Variants in ROS1 observed in about 807,000 individuals in gnomAD.
ROS1 encodes proto-oncogene tyrosine-protein kinase ROS.
A neutral mutation model predicts 273.5 loss-of-function variants in ROS1; 263 were observed. The ratio of observed to expected loss-of-function variants is 0.96; its 90% CI spans 0.87 to 1.06. The LOEUF is 1.06. Among genes scored for constraint, ROS1 ranks in the 50% least tolerant of loss-of-function variants. The probability of loss-of-function intolerance (pLI) is 0.00; values close to 1 mark genes in which losing one functional copy is unlikely to be tolerated. For synonymous variants in ROS1, 1,008 were observed against 954.1 expected, an observed-to-expected ratio of 1.06 and a Z score of -1.04; for missense variants, 2,833 against 2,751.1, an observed-to-expected ratio of 1.03 and a Z score of -0.67.
At chr6:117,369,104 T>C (rs545396825) in intron 18 of ROS1, among the ~76,000 whole-genome samples, 2 of 152,166 alleles carry the variant, frequency 1.3e-5, no homozygotes, top group Non-Finnish European at 2.9e-5. Context: ...GAAAATACTT[T>C]CTCCTTATAA....
At chr6:117,304,864 C>T (rs1480062754) in intron 42 of ROS1, among the ~76,000 whole-genome samples, 2 of 152,020 alleles carry the variant, frequency 1.3e-5, no homozygotes, top group Non-Finnish European at 2.9e-5. Context: ...GATAAGAGTT[C>T]TTATGAGATC....
rs368741601 is a variant in ROS1, at chr6:117,394,606, T to A, written c.1006+10A>T. ...CACACTAAGGAATCATTTATCCTTA[T>A]CATACTGACCTGTAATATTATGGTA... On this transcript the variant is annotated intron_variant, in intron 10 of 43. Transcript: ENST00000368507. The A allele has an allele frequency of 6.3e-7, 1 of 1,577,568 alleles. No individual in the cohort carries two copies. Among genetic ancestry groups the A allele is most frequent in the South Asian group, 1.2e-5 (1 of 82,956 alleles).
chr6:117,343,919 G>T, intron 28 of ROS1, 141 bp downstream of exon 28: 1 of 657,466 alleles, frequency 1.5e-6, no homozygotes. Flanking sequence ...AACACAATAT[G>T]TTTTGATGAA....
Position 117,344,048 on chromosome 6 carries a change from T to G in ROS1, c.4506+12A>C. 6.3e-7 allele frequency: 1 copy of G among 1,596,846 alleles called. No homozygotes were observed. Among genetic ancestry groups the G allele is most frequent in the Non-Finnish European group, 8.6e-7 (1 of 1,164,476 alleles). On this transcript the variant is annotated intron_variant, in intron 28 of 43. Coordinates refer to ENST00000368507, the MANE Select transcript of ROS1 (RefSeq NM_001378902.1). ...CTTGTGAAAAGACAAAGACCACTAG[T>G]TCCAATCTTACCAGAATTCTATATT...
intron 18 of ROS1, among the ~76,000 whole-genome samples, chr6:117,371,883 C>A (rs938256202): frequency 1.3e-5 from 2 of 152,166 alleles, no homozygotes; most frequent in African/African-American, 4.8e-5. Context: ...GAGAACTACA[C>A]CCCCATCCCC....
intron 17 of ROS1, among the ~76,000 whole-genome samples, chr6:117,381,685 C>A (rs551885470): frequency 1.6e-4 from 25 of 152,106 alleles, no homozygotes; most frequent in Middle Eastern, 6.8e-3. Flanking sequence ...TTTGCAATTG[C>A]AAATTGTGCT....
intron 27 of ROS1, among the ~76,000 whole-genome samples, chr6:117,344,925 C>T (rs1052644148): frequency 6.6e-6 from 1 of 152,156 alleles, no homozygotes; most frequent in Non-Finnish European, 1.5e-5. Context: ...GCTTAAGCCT[C>T]GAAAAATCGC....
chr6:117,378,451 G>A (rs1472633098), intron 18 of ROS1, among the ~76,000 whole-genome samples: 1 of 152,152 alleles, frequency 6.6e-6, no homozygotes, highest in African/African-American at 2.4e-5. Flanking sequence ...TGATTGGCAA[G>A]GGGCACAGGA....
At chr6:117,304,583 T>C (rs140761570) in intron 42 of ROS1, among the ~76,000 whole-genome samples, 1 of 152,184 alleles carries the variant, frequency 6.6e-6, no homozygotes. Context: ...TTTTAAATTG[T>C]ATGCCATTCT....
rs534575218 is a variant in ROS1, at chr6:117,315,725, T to G, written c.6117+1418A>C. Reference sequence around the variant, plus strand: ...AACAAACAAAAAGTCATGAGATACATGGAAAAAGTCCCACATGGACAAGAA... The same window carrying G: ...AACAAACAAAAAGTCATGAGATACAGGGAAAAAGTCCCACATGGACAAGAA... On this transcript the variant is annotated intron_variant, in intron 39 of 43. Transcript: ENST00000368507. 2.6e-5 allele frequency among the ~76,000 whole-genome samples: 4 copies of G among 152,128 alleles called. No individual in the cohort carries two copies. In the South Asian group the frequency reaches 8.3e-4, roughly 32 times the overall value.
chr6:117,305,099 C>A (rs574594189), intron 42 of ROS1, among the ~76,000 whole-genome samples: 61 of 152,210 alleles, frequency 4.0e-4, no homozygotes, highest in Non-Finnish European at 7.1e-4. Context: ...AATTACCCAG[C>A]TTCTTTATAA....
intron 1 of ROS1, among the ~76,000 whole-genome samples, chr6:117,424,772 C>T (rs1173755511): frequency 6.6e-6 from 1 of 152,034 alleles, no homozygotes; most frequent in Non-Finnish European, 1.5e-5. Flanking sequence ...ATAATGAATA[C>T]TATATTTAGT....
chr6:117,344,348 G>T (rs1377535700), intron 27 of ROS1, 86 bp from the exon 28 acceptor site: 4 of 901,562 alleles, frequency 4.4e-6, no homozygotes, highest in South Asian at 1.9e-5. Context: ...TAATATCAAA[G>T]CTTAGAAAGA....
Position 117,341,157 on chromosome 6 carries a change from C to T in ROS1, c.5039G>A (p.Arg1680Lys), listed in dbSNP as rs2128621374. 6.2e-7 allele frequency: 1 copy of T among 1,610,154 alleles called. No individual in the cohort carries two copies. The highest frequency in any genetic ancestry group is 8.5e-7 in the Non-Finnish European group (1 of 1,178,616). The change falls in exon 31 of 44, where the codon AGA becomes AAA. Residue 1680 changes from arginine to lysine, a missense_variant. Transcript: ENST00000368507. ...TACCTTCTGTAGCTCAACCCAAAAT[C>T]TGATGAGGTTAACATTCAATGGAGC... Reference protein sequence around the residue: ...WKAPLNVNLIRFWVELQKWKY... With the variant: ...WKAPLNVNLIKFWVELQKWKY...
intron 43 of ROS1, among the ~76,000 whole-genome samples, chr6:117,300,320 T>C (rs1313807439): frequency 6.6e-6 from 1 of 151,698 alleles, no homozygotes; most frequent in Non-Finnish European, 1.5e-5. Flanking sequence ...CAAGACCTGA[T>C]CCACTACAAT....
intron 22 of ROS1, among the ~76,000 whole-genome samples, chr6:117,362,389 G>T (rs1162404028): frequency 6.6e-6 from 1 of 150,780 alleles, no homozygotes; most frequent in African/African-American, 2.5e-5. Context: ...TCCTCAAAAG[G>T]TCCACTTTCC....
intron 43 of ROS1, among the ~76,000 whole-genome samples, chr6:117,294,181 AC>A (rs1481021102): frequency 2.0e-5 from 3 of 152,188 alleles, no homozygotes; most frequent in African/African-American, 7.2e-5. Context: ...GTTATATATG[AC>A]AAATCCATAG....
chr6:117,397,831 G>T lies in ROS1; in HGVS notation c.605-715C>A, dbSNP rs1381881832. Among the ~76,000 whole-genome samples the T allele has an allele frequency of 4.6e-5, 7 of 152,288 alleles. No homozygotes were observed. The East Asian group carries it at 1.4e-3, about 29-fold the overall frequency. ...TGATCTGACAGCCTAGCTTCCATCT[G>T]TGTCTCCACCTGCTTTTCAAACCAA... On this transcript the variant is annotated intron_variant, in intron 7 of 43. Transcript: ENST00000368507.
chr6:117,409,242 GA>G (rs58041928), intron 5 of ROS1, among the ~76,000 whole-genome samples: 5 of 150,946 alleles, frequency 3.3e-5, no homozygotes, highest in African/African-American at 7.3e-5. Context: ...AAAAAAGAGA[GA>G]AAAAAAACTG....
Sources: gnomAD v4.1 joint callset for allele counts (sites outside exome capture counted in the v4.1 genomes callset) on GRCh38, gnomAD v4.1.1 for gene constraint, MANE v1.5 for transcripts, NCBI Gene and HGNC (gene_info 2026-07-23, HGNC 2026-07-21) for gene names.